EIF4E3: variants seen among roughly 807,000 people sequenced by gnomAD.
EIF4E3 encodes eukaryotic translation initiation factor 4E family member 3, also known as eukaryotic translation initiation factor 4E type 3.
In EIF4E3, 26 loss-of-function variants were observed where a neutral mutation model predicts 31.7. The ratio of observed to expected loss-of-function variants is 0.82; its 90% CI spans 0.60 to 1.14. EIF4E3 has a LOEUF of 1.14. Ranked by LOEUF, EIF4E3 falls within the 50% of genes most tolerant of loss-of-function variation. The pLI, the probability that EIF4E3 is intolerant of heterozygous loss-of-function variation, is 0.00. For synonymous variants in EIF4E3, 128 were observed against 107.7 expected (o/e 1.19, Z -1.17); for missense variants, 304 against 270.9 (o/e 1.12, Z -0.86).
intron 1 of EIF4E3, among the ~76,000 whole-genome samples, chr3:71,748,114 C>T (rs1418006081): frequency 6.6e-6 from 1 of 152,092 alleles, no homozygotes; most frequent in Non-Finnish European, 1.5e-5. Flanking sequence ...TTTCCAAACA[C>T]CTGAATTTGG....
intron 1 of EIF4E3, among the ~76,000 whole-genome samples, chr3:71,750,262 A>T (rs1045504954): frequency 6.6e-5 from 10 of 152,190 alleles, no homozygotes; most frequent in African/African-American, 2.2e-4. Flanking sequence ...CATTTGGTCC[A>T]ACGTCCCATT....
chr3:71,697,945 G>A (rs1230048202), intron 3 of EIF4E3, among the ~76,000 whole-genome samples: 1 of 152,146 alleles, frequency 6.6e-6, no homozygotes, highest in Non-Finnish European at 1.5e-5. Context: ...TGGGACTGCT[G>A]AATCACTAAC....
rs2048924920 is a variant in EIF4E3, at chr3:71,681,661, C to T, written c.*3021G>A. The T allele has an allele frequency of 6.6e-6, 1 of 152,234 alleles. No homozygotes were observed. Among genetic ancestry groups the T allele is most frequent in the Non-Finnish European group, 1.5e-5 (1 of 68,052 alleles). The allele number at this position is 152,234 out of a possible 1,614,324, so 9.4% of individuals were successfully genotyped here. A position where few individuals can be genotyped will look rare whatever the true frequency, so the allele number is the denominator to read the frequency against. ...GCACCGGGATACAACTTGCCGACTT[C>T]AATACCCAGCTCTGTGGCTGGCTAG... On this transcript the variant is annotated 3_prime_UTR_variant, in exon 7 of 7. Transcript: ENST00000425534.
At chr3:71,714,267 AAGGAAAGAAG>A (rs1305336514) in intron 1 of EIF4E3, among the ~76,000 whole-genome samples, 45 of 118,714 alleles carry the variant, frequency 3.8e-4, no homozygotes, top group African/African-American at 1.1e-3. Flanking sequence ...GGAAGGAAGG[AAGGAAAGAAG>A]GAAGGAAGGA....
In EIF4E3 at chr3:71,683,938, C is replaced by A. The variant is rs767401845; in HGVS notation, c.*744G>T. On this transcript the variant is annotated 3_prime_UTR_variant, in exon 7 of 7. Transcript: ENST00000425534. ...TGGTTGAAAAGGCCAAATTAAAATT[C>A]GGGTTAGAAATGTTTCCACAGAGGG... 10 of 152,150 alleles carry A rather than the reference C, an allele frequency of 6.6e-5. No individual in the cohort carries two copies. The highest frequency in any genetic ancestry group is 1.3e-4 in the Non-Finnish European group (9 of 68,028). The allele number at this position is 152,150 out of a possible 1,614,324, so 9.4% of individuals were successfully genotyped here.
intron 1 of EIF4E3, among the ~76,000 whole-genome samples, chr3:71,718,703 G>A (rs1168274340): frequency 1.3e-5 from 2 of 152,176 alleles, no homozygotes; most frequent in African/African-American, 4.8e-5. Flanking sequence ...GCCAGGTAAG[G>A]ACCAGAAACT....
chr3:71,725,004 C>G lies in EIF4E3; in HGVS notation c.176+188G>C, dbSNP rs1449737276. ...GAGGCGAGGACGCCGAACAGCCGCCCGGCGCGGCCCGAAGCTGGCTTCCGA... is the reference window on the plus strand; with the variant it reads ...GAGGCGAGGACGCCGAACAGCCGCCGGGCGCGGCCCGAAGCTGGCTTCCGA... On this transcript the variant is annotated intron_variant, in intron 1 of 6. Transcript: ENST00000425534. The surrounding 1 kb of genome is among the most constrained non-coding windows in gnomAD (Gnocchi z 6.1). Among the ~76,000 whole-genome samples the G allele has an allele frequency of 6.6e-6, 1 of 152,076 alleles. No homozygotes were observed. The highest frequency in any genetic ancestry group is 2.4e-5 in the African/African-American group (1 of 41,438).
At chr3:71,753,653 G>GGCGGCGGCGGCGGCGGCAGCGGCGGCA (rs927519773), upstream of EIF4E3, 2 of 148,446 alleles carry the variant, frequency 1.3e-5, no homozygotes, top group East Asian at 2.0e-4. Flanking sequence ...GCTCCGCGGC[G>GGCGGCGGCGGCGGCGGCAGCGGCGGCA]GCGGCGGCGG....
At chr3:71,716,206 G>A (rs535152599) in intron 1 of EIF4E3, among the ~76,000 whole-genome samples, 6 of 152,210 alleles carry the variant, frequency 3.9e-5, no homozygotes, top group African/African-American at 1.4e-4. Flanking sequence ...ACATGATTCC[G>A]GAAGAAGTGA....
At chr3:71,688,923 T>A (rs1329720041) in intron 6 of EIF4E3, among the ~76,000 whole-genome samples, 1 of 152,212 alleles carries the variant, frequency 6.6e-6, no homozygotes. Flanking sequence ...CCTGTAATTA[T>A]ATGATTCCTT....
chr3:71,734,769 T>C (rs2049744000), intron 1 of EIF4E3, among the ~76,000 whole-genome samples: 1 of 152,196 alleles, frequency 6.6e-6, no homozygotes, highest in Admixed American at 6.6e-5. Context: ...TCTTAATAAG[T>C]TGTTGCATCA....
intron 1 of EIF4E3, among the ~76,000 whole-genome samples, chr3:71,711,344 A>C (rs2049375875): frequency 6.6e-6 from 1 of 152,242 alleles, no homozygotes; most frequent in South Asian, 2.1e-4. Flanking sequence ...CACACAAATA[A>C]TGCATGAAAG....
rs2049874967 is a variant in EIF4E3 at position 71,746,566 on chromosome 3, A to C, written c.-291+6897T>G. 2.6e-5 allele frequency among the ~76,000 whole-genome samples: 4 copies of C among 152,332 alleles called. No individual in the cohort carries two copies. The South Asian group carries it at 8.3e-4, about 32-fold the overall frequency. Reference sequence around the variant, plus strand: ...ACCTTAAGAATCTGCACTCACTCAGAAAGCCATAACTAGGAGTTCATGTTA... The same window carrying C: ...ACCTTAAGAATCTGCACTCACTCAGCAAGCCATAACTAGGAGTTCATGTTA... On this transcript the variant is annotated intron_variant, in intron 1 of 7. Transcript: ENST00000295612.
chr3:71,718,788 G>GAAGT (rs1282794407), intron 1 of EIF4E3, among the ~76,000 whole-genome samples: 1 of 152,226 alleles, frequency 6.6e-6, no homozygotes, highest in South Asian at 2.1e-4. Context: ...AGAAAGGCTG[G>GAAGT]AAGTACTCTA....
intron 5 of EIF4E3, among the ~76,000 whole-genome samples, chr3:71,690,861 G>C (rs60843545): frequency 9.9e-4 from 151 of 152,324 alleles, no homozygotes; most frequent in African/African-American, 3.4e-3. Flanking sequence ...AATCTTCTGA[G>C]TACAGCTCTG....
chr3:71,733,030 C>A (rs1578383280), intron 1 of EIF4E3, among the ~76,000 whole-genome samples: 1 of 152,224 alleles, frequency 6.6e-6, no homozygotes, highest in East Asian at 1.9e-4. Context: ...GAGGGGATAA[C>A]CCTACATCTT....
chr3:71,754,629 G>A, upstream of EIF4E3: 2 of 1,471,226 alleles, frequency 1.4e-6, no homozygotes, highest in Middle Eastern at 2.0e-4. This position sits in a 1 kb window ranked among gnomAD's most constrained non-coding sequence, Gnocchi z 5.8. Context: ...GGCCGTGGTG[G>A]TGGGCGCCAC....
downstream of EIF4E3, among the ~76,000 whole-genome samples, chr3:71,672,540 G>A (rs898172950): frequency 6.6e-6 from 1 of 152,108 alleles, no homozygotes; most frequent in Non-Finnish European, 1.5e-5. Flanking sequence ...ATCAGAGCCA[G>A]AAGGGCTGTA....
downstream of EIF4E3, among the ~76,000 whole-genome samples, chr3:71,673,690 TCA>T (rs1479620848): frequency 6.6e-6 from 1 of 151,990 alleles, no homozygotes; most frequent in Non-Finnish European, 1.5e-5. Flanking sequence ...GTCTAGTAGT[TCA>T]GTTTTAATAT....
Sources: allele counts gnomAD v4.1 joint callset (sites outside exome capture counted in the v4.1 genomes callset), GRCh38; gene constraint gnomAD v4.1.1; non-coding constraint Gnocchi (gnomAD v3.1); transcripts MANE v1.5; gene names NCBI Gene and HGNC (gene_info 2026-07-23, HGNC 2026-07-21).